DCHS2: variants seen among roughly 807,000 people sequenced by gnomAD.
The protein encoded by DCHS2 is protocadherin-23.
A neutral mutation model predicts 182.4 loss-of-function variants in DCHS2; 142 were observed. That is an observed-to-expected ratio of 0.78 (90% CI 0.68 to 0.89). The LOEUF (loss-of-function observed/expected upper bound fraction) is 0.89. Among genes scored for constraint, DCHS2 ranks in the 40% least tolerant of loss-of-function variants. The pLI is 0.00. For synonymous variants in DCHS2, 1,740 were observed against 1,663.3 expected (o/e 1.05, Z -1.12); for missense variants, 4,319 against 4,198.6 (o/e 1.03, Z -0.79).
rs1736437522 is a variant in DCHS2, at chr4:154,329,639, C to A, written c.3802G>T (p.Asp1268Tyr). The change falls in exon 6 of 20, where the codon GAC (aspartate) becomes TAC (tyrosine). Residue 1268 changes from aspartate to tyrosine, a missense_variant. Physicochemically the swap from Asp to Tyr is radical, Grantham distance 160. Transcript: ENST00000357232. The part of the protein sequence containing the change: ...GHHEMTVLVT[D>Y]RGSPPRNATM... ...GCGTTTCGTGGTGGGGAGCCGCGGT[C>A]TGTCACTAGCACAGTCATCTCATGG... 1.2e-6 allele frequency: 2 copies of A among 1,612,458 alleles called. No homozygotes were observed.
intron 1 of DCHS2, among the ~76,000 whole-genome samples, chr4:154,424,123 C>T (rs542748091): frequency 6.6e-6 from 1 of 152,260 alleles, no homozygotes; most frequent in Admixed American, 6.5e-5. Context: ...GGTTTCATTG[C>T]TGCATCCTTG....
chr4:154,468,478 A>G (rs1163530278), intron 1 of DCHS2, among the ~76,000 whole-genome samples: 2 of 152,040 alleles, frequency 1.3e-5, no homozygotes, highest in African/African-American at 4.8e-5. Flanking sequence ...TATTCACTGG[A>G]CACTTTTATT....
chr4:154,491,039 T>C lies in DCHS2; in HGVS notation c.317A>G (p.Asp106Gly), dbSNP rs1728813077. The C allele has an allele frequency of 5.8e-6, 9 of 1,550,664 alleles. No homozygotes were observed. Among genetic ancestry groups the C allele is most frequent in the Non-Finnish European group, 7.8e-6 (9 of 1,146,770 alleles). The change falls in exon 1 of 20, where the codon GAC (aspartate) becomes GGC (glycine). Residue 106 changes from aspartate (D) to glycine (G), a missense_variant. Physicochemically the swap from Asp to Gly is moderately conservative, Grantham distance 94. Coordinates refer to ENST00000357232, the MANE Select transcript of DCHS2 (RefSeq NM_001358235.2). ...QEGSGFFLSE[D>G]SDDSPLLDDF... Reference sequence around the variant, plus strand: ...GTCCAGCAGCGGGGAGTCATCGGAGTCCTCCGACAGAAAGAAGCCGCTCCC... The same window carrying C: ...GTCCAGCAGCGGGGAGTCATCGGAGCCCTCCGACAGAAAGAAGCCGCTCCC...
chr4:154,323,008 A>T, intron 7 of DCHS2: 1 of 537,712 alleles, frequency 1.9e-6, no homozygotes, highest in African/African-American at 1.9e-5. Context: ...TCTTGTTTAC[A>T]TTAAGATCAA....
intron 7 of DCHS2, chr4:154,323,210 G>T (rs1174209156): frequency 1.3e-6 from 2 of 1,549,958 alleles, no homozygotes; most frequent in Admixed American, 3.9e-5. Flanking sequence ...CCTTAAATTG[G>T]GAGGCAGATC....
At chr4:154,252,072 TTTAA>T (rs1001508890) in intron 16 of DCHS2, among the ~76,000 whole-genome samples, 15 of 152,172 alleles carry the variant, frequency 9.9e-5, no homozygotes, top group African/African-American at 3.4e-4. Context: ...CATTTTATGT[TTTAA>T]TTTATTATTA....
intron 16 of DCHS2, among the ~76,000 whole-genome samples, chr4:154,246,943 T>C (rs900880377): frequency 1.3e-5 from 2 of 151,568 alleles, no homozygotes; most frequent in African/African-American, 4.9e-5. Context: ...TTCAGGAAAA[T>C]GAAACAGGGC....
At chr4:154,351,896 G>C (rs1278387572) in intron 3 of DCHS2, among the ~76,000 whole-genome samples, 1 of 152,104 alleles carries the variant, frequency 6.6e-6, no homozygotes, top group Non-Finnish European at 1.5e-5. Context: ...AGTGGCCCAG[G>C]GGTTGGGAAC....
intron 3 of DCHS2, among the ~76,000 whole-genome samples, chr4:154,360,118 A>C (rs1032645383): frequency 6.6e-6 from 1 of 152,108 alleles, no homozygotes; most frequent in South Asian, 2.1e-4. Flanking sequence ...TCTGCAAATG[A>C]ACATAAAAAT....
At chr4:154,430,221 G>C (rs912939768) in intron 1 of DCHS2, among the ~76,000 whole-genome samples, 4 of 152,150 alleles carry the variant, frequency 2.6e-5, no homozygotes, top group African/African-American at 9.7e-5. Flanking sequence ...TGTCATGTCA[G>C]TTCATAAAAT....
At chr4:154,431,054 C>A (rs1372150078) in intron 1 of DCHS2, among the ~76,000 whole-genome samples, 1 of 152,180 alleles carries the variant, frequency 6.6e-6, no homozygotes, top group Non-Finnish European at 1.5e-5. Flanking sequence ...TAGCTGTCTA[C>A]ATGTTTATGT....
chr4:154,491,252 C>T lies in DCHS2; in HGVS notation c.104G>A (p.Arg35Gln), dbSNP rs540887773. 2 of 1,551,262 alleles carry T rather than the reference C, an allele frequency of 1.3e-6. No homozygotes were observed. The highest frequency in any genetic ancestry group is 1.7e-6 in the Non-Finnish European group (2 of 1,146,986). ...LPGRRDTPHG[R>Q]SGSSGARTQR... is the part of the protein sequence containing the mutation. ...CGTCCTGGCGCCGCTGCTGCCTGACCGCCCATGGGGTGTATCTCTCCTCCC... is the reference window on the plus strand; with the variant it reads ...CGTCCTGGCGCCGCTGCTGCCTGACTGCCCATGGGGTGTATCTCTCCTCCC... Residue 35 changes from arginine to glutamine, a missense_variant, in exon 1 of 20, where the codon CGG becomes CAG. Coordinates refer to ENST00000357232, the MANE Select transcript of DCHS2 (RefSeq NM_001358235.2).
rs1236139985 is a variant in DCHS2, at chr4:154,347,747, C to T, written c.2477-12643G>A. On this transcript the variant is annotated intron_variant, in intron 3 of 19. Coordinates refer to ENST00000357232, the MANE Select transcript of DCHS2 (RefSeq NM_001358235.2). ...AAAGTAGGAGGAACTTGAGTAGCAT[C>T]AATACTTCACTGCAAAGCATGCATA... 2.6e-5 allele frequency among the ~76,000 whole-genome samples: 4 copies of T among 151,826 alleles called. 1 individual carries two copies. The highest frequency in any genetic ancestry group is 9.7e-5 in the African/African-American group (4 of 41,136).
In DCHS2 at chr4:154,489,719, G is replaced by T. The variant is rs969856869; in HGVS notation, c.1637C>A (p.Ala546Asp). The T allele has an allele frequency of 6.4e-7, 1 of 1,551,688 alleles. No individual in the cohort carries two copies. Among genetic ancestry groups the T allele is most frequent in the South Asian group, 1.2e-5 (1 of 84,062 alleles). The part of the protein sequence containing the change: ...PPLFSQQHYK[A>D]SVSEAAAPGT... Reference sequence around the variant, plus strand: ...AGGGGCCGCGGCCTCGGACACTGAGGCCTTGTAATGCTGTTGGCTGAAGAG... The same window carrying T: ...AGGGGCCGCGGCCTCGGACACTGAGTCCTTGTAATGCTGTTGGCTGAAGAG... Residue 546 changes from alanine to aspartate, a missense_variant, in exon 1 of 20, where the codon GCC becomes GAC. By Grantham distance (126) the Ala-to-Asp change is moderately radical. Coordinates refer to ENST00000357232, the MANE Select transcript of DCHS2 (RefSeq NM_001358235.2).
At chr4:154,269,838 T>G (rs1733487678) in intron 14 of DCHS2, 62 bp downstream of exon 14, 1 of 1,562,282 alleles carries the variant, frequency 6.4e-7, no homozygotes, top group Admixed American at 2.2e-5. Context: ...CTTTGCAAAT[T>G]TTGCAGAAAT....
Position 154,491,675 on chromosome 4 carries a change from C to T in DCHS2, c.-320G>A. On this transcript the variant is annotated 5_prime_UTR_variant, in exon 1 of 20. Transcript: ENST00000357232. ...CCCTTTACATCTGTTCCTTGTTCTA[C>T]TCGGCTGGTTGTTCCCCCCTGGTAA... 1 of 1,173,826 alleles carries T rather than the reference C, an allele frequency of 8.5e-7. No homozygotes were observed. The highest frequency in any genetic ancestry group is 1.1e-6 in the Non-Finnish European group (1 of 952,334). The allele number at this position is 1,173,826 out of a possible 1,614,324, so 72.7% of individuals were successfully genotyped here. A position where few individuals can be genotyped will look rare whatever the true frequency, so the allele number is the denominator to read the frequency against.
chr4:154,250,507 T>C (rs1345776979), intron 16 of DCHS2, among the ~76,000 whole-genome samples: 1 of 152,168 alleles, frequency 6.6e-6, no homozygotes, highest in Non-Finnish European at 1.5e-5. Context: ...CTTTTGTTCT[T>C]GTATTGGTCC....
At position 154,373,798 on chromosome 4, in the gene DCHS2, A is replaced by G. The variant is rs372790230; in HGVS notation, c.2244+3455T>C. On this transcript the variant is annotated intron_variant, in intron 2 of 19. Transcript: ENST00000357232. ...GCAAGAGGGCAAGAAGGAGAAAATC[A>G]CAGCCAAGATGGAGAAGGTGTGCAA... is the stretch of plus-strand genomic sequence containing the variant. 5 of 763,658 alleles carry G rather than the reference A, an allele frequency of 6.5e-6. No homozygotes were observed. The African/African-American group carries it at 7.1e-5, about 11-fold the overall frequency. The allele number at this position is 763,658 out of a possible 1,614,324, so 47.3% of individuals were successfully genotyped here.
intron 3 of DCHS2, among the ~76,000 whole-genome samples, chr4:154,336,780 T>C (rs1342593243): frequency 1.3e-5 from 2 of 152,194 alleles, no homozygotes; most frequent in Non-Finnish European, 2.9e-5. Flanking sequence ...ATGTTTAAGG[T>C]GTACAATTTG....
Sources: allele counts gnomAD v4.1 joint callset (sites outside exome capture counted in the v4.1 genomes callset), GRCh38; gene constraint gnomAD v4.1.1; transcripts MANE v1.5; gene names NCBI Gene and HGNC (gene_info 2026-07-23, HGNC 2026-07-21).